The following ANGPT2 variants were observed in gnomAD, a reference collection of about 807,000 sequenced individuals.
The protein encoded by ANGPT2 is angiopoietin 2.
A neutral mutation model predicts 62.9 loss-of-function variants in ANGPT2; 28 were observed. The ratio of observed to expected loss-of-function variants is 0.44; its 90% CI spans 0.33 to 0.61. The LOEUF is 0.61. Ranked by LOEUF, ANGPT2 falls within the 20% of genes least tolerant of loss-of-function variation. The pLI is 0.03. For missense variants in ANGPT2, 727 were observed against 594.9 expected (o/e 1.22, Z -2.31); for synonymous variants, 284 against 207.8 (o/e 1.37, Z -3.15).
intron 1 of ANGPT2, among the ~76,000 whole-genome samples, chr8:6,553,330 A>T (rs1358653141): frequency 1.3e-5 from 2 of 152,180 alleles, no homozygotes; most frequent in African/African-American, 4.8e-5. Flanking sequence ...CAACAACAAC[A>T]AAATGTTATT....
At chr8:6,503,517 T>A (rs1364521005) in intron 8 of ANGPT2, among the ~76,000 whole-genome samples, 1 of 152,214 alleles carries the variant, frequency 6.6e-6, no homozygotes, top group African/African-American at 2.4e-5. Context: ...TGGAGAGGCC[T>A]GAATTCTCCA....
chr8:6,516,408 A>G (rs1816280206), intron 5 of ANGPT2, among the ~76,000 whole-genome samples: 1 of 152,204 alleles, frequency 6.6e-6, no homozygotes, highest in East Asian at 1.9e-4. Context: ...AGTGATATAT[A>G]GGATTTGAAT....
rs556041157 is a variant in ANGPT2, at chr8:6,499,762, C to G, written c.*3339G>C. 2.6e-6 allele frequency: 3 copies of G among 1,149,816 alleles called. No homozygotes were observed. Among genetic ancestry groups the G allele is most frequent in the South Asian group, 1.2e-5 (1 of 81,416 alleles). 71.2% of individuals were successfully genotyped at this position (1,149,816 alleles called of 1,614,324 possible). A position where few individuals can be genotyped will look rare whatever the true frequency, so the allele number is the denominator to read the frequency against. ...TATTTCAGATCTGCGGAGTGTATCA[C>G]TTTTTGCTGTGTCTTCAAAGTGATT... On this transcript the variant is annotated 3_prime_UTR_variant, in exon 9 of 9. Transcript: ENST00000629816.
At chr8:6,539,682 G>A (rs1055815321) in intron 1 of ANGPT2, among the ~76,000 whole-genome samples, 2 of 152,136 alleles carry the variant, frequency 1.3e-5, no homozygotes, top group African/African-American at 4.8e-5. Flanking sequence ...TGCCTCCCTG[G>A]TTCAAACGAT....
intron 1 of ANGPT2, among the ~76,000 whole-genome samples, chr8:6,540,947 A>G (rs1367704083): frequency 6.6e-6 from 1 of 152,250 alleles, no homozygotes; most frequent in East Asian, 1.9e-4. Flanking sequence ...ACCTGGGGCA[A>G]GAATGGGGAC....
At chr8:6,543,390 C>A (rs114663778) in intron 1 of ANGPT2, among the ~76,000 whole-genome samples, 3 of 152,160 alleles carry the variant, frequency 2.0e-5, no homozygotes, top group African/African-American at 7.2e-5. Flanking sequence ...ACCCTTCTCT[C>A]TGTGCTTTCC....
intron 4 of ANGPT2, among the ~76,000 whole-genome samples, chr8:6,520,282 C>T (rs538963750): frequency 6.6e-6 from 1 of 152,306 alleles, no homozygotes; most frequent in South Asian, 2.1e-4. Flanking sequence ...AAGTACTTCA[C>T]AATCACATAA....
chr8:6,549,159 C>T (rs116986477), intron 1 of ANGPT2, among the ~76,000 whole-genome samples: 1 of 152,182 alleles, frequency 6.6e-6, no homozygotes, highest in African/African-American at 2.4e-5. Context: ...AAAAATGATA[C>T]ATGGGTTTGT....
intron 3 of ANGPT2, among the ~76,000 whole-genome samples, chr8:6,522,127 G>A (rs1817468886): frequency 6.6e-6 from 1 of 151,694 alleles, no homozygotes; most frequent in Admixed American, 6.6e-5. Context: ...AGGCCGAGGC[G>A]GGCGGATCAC....
In ANGPT2 at chr8:6,562,997, C is replaced by T. The variant is rs1825792569; in HGVS notation, c.-63G>A. 4 of 1,511,406 alleles carry T rather than the reference C, an allele frequency of 2.6e-6. No individual in the cohort carries two copies. The highest frequency in any genetic ancestry group is 3.6e-6 in the Non-Finnish European group (4 of 1,122,324). 93.6% of individuals were successfully genotyped at this position (1,511,406 alleles called of 1,614,324 possible). A position where few individuals can be genotyped will look rare whatever the true frequency, so the allele number is the denominator to read the frequency against. On this transcript the variant is annotated 5_prime_UTR_variant, in exon 1 of 9. Coordinates refer to ENST00000629816, the MANE Select transcript of ANGPT2 (RefSeq NM_001118887.2). ...GAGGGCAAACACACGTCCAGAGTCC[C>T]GAGCTGCTGCCGTCTAAAACGCAGG...
chr8:6,538,236 C>T (rs12549309), intron 1 of ANGPT2, among the ~76,000 whole-genome samples: 20,227 of 152,042 alleles, frequency 0.13, 1,583 homozygotes, highest in Admixed American at 0.18. Flanking sequence ...CTGTTGCCCA[C>T]TTCTATTTAG....
intron 1 of ANGPT2, among the ~76,000 whole-genome samples, chr8:6,558,273 C>G (rs1206508028): frequency 6.6e-6 from 1 of 152,192 alleles, no homozygotes. Flanking sequence ...GGATGGAAGA[C>G]TGGGGAAAGA....
intron 2 of ANGPT2, among the ~76,000 whole-genome samples, chr8:6,530,566 C>T (rs1439528654): frequency 1.4e-5 from 1 of 73,676 alleles, no homozygotes; most frequent in Non-Finnish European, 3.3e-5. Context: ...TTTGGTCCAA[C>T]CTAATAATTC....
intron 5 of ANGPT2, among the ~76,000 whole-genome samples, chr8:6,516,960 G>T (rs1047996969): frequency 1.3e-5 from 2 of 152,202 alleles, no homozygotes; most frequent in Admixed American, 1.3e-4. Flanking sequence ...CATTAGTGAT[G>T]ATGATAAGGT....
intron 8 of ANGPT2, among the ~76,000 whole-genome samples, chr8:6,505,614 TA>T (rs1813442160): frequency 7.8e-6 from 1 of 128,744 alleles, no homozygotes; most frequent in Admixed American, 8.4e-5. Flanking sequence ...ATATATTCTT[TA>T]TATATTTATA....
chr8:6,530,918 C>T (rs2515475), intron 2 of ANGPT2, among the ~76,000 whole-genome samples: 28,263 of 152,094 alleles, frequency 0.19, 3,300 homozygotes, highest in African/African-American at 0.33. Flanking sequence ...TCCTGGCTGA[C>T]GTCTAGCATT....
At chr8:6,536,725 C>T (rs144342412) in intron 1 of ANGPT2, among the ~76,000 whole-genome samples, 144 of 152,240 alleles carry the variant, frequency 9.5e-4, no homozygotes, top group Non-Finnish European at 1.2e-3. Context: ...TAAATCACCA[C>T]GTATCAAGGA....
Position 6,499,687 on chromosome 8 carries a change from T to C in ANGPT2, c.*3414A>G, listed in dbSNP as rs1046147123. ...CAACTTTTTATTAATATTCATAACA[T>C]TTATGCAACATGAAGATTCTGAAGG... On this transcript the variant is annotated 3_prime_UTR_variant, in exon 9 of 9. Transcript: ENST00000629816. 2 of 628,284 alleles carry C rather than the reference T, an allele frequency of 3.2e-6. No homozygotes were observed. Among genetic ancestry groups the C allele is most frequent in the African/African-American group, 3.7e-5 (2 of 54,722 alleles). The allele number at this position is 628,284 out of a possible 1,614,324, so 38.9% of individuals were successfully genotyped here. A position where few individuals can be genotyped will look rare whatever the true frequency, so the allele number is the denominator to read the frequency against.
At chr8:6,562,539 C>T (rs1012300620) in intron 1 of ANGPT2, 108 bp downstream of exon 1, 11 of 325,922 alleles carry the variant, frequency 3.4e-5, no homozygotes, top group Non-Finnish European at 5.1e-5. Context: ...CTCTAATCCT[C>T]TTCATCCTCC....
Sources: allele counts gnomAD v4.1 joint callset (sites outside exome capture counted in the v4.1 genomes callset), GRCh38; gene constraint gnomAD v4.1.1; transcripts MANE v1.5; gene names NCBI Gene and HGNC (gene_info 2026-07-23, HGNC 2026-07-21).